The following PTPRT variants were observed in gnomAD, a reference collection of about 807,000 sequenced individuals.
PTPRT encodes the protein protein tyrosine phosphatase receptor type T.
In PTPRT, 56 loss-of-function variants were observed where a neutral mutation model predicts 176.8. That is an observed-to-expected ratio of 0.32 (90% confidence interval 0.26 to 0.40). The LOEUF is 0.40. Ranked by LOEUF, PTPRT falls within the 10% of genes least tolerant of loss-of-function variation. The probability of loss-of-function intolerance (pLI) is 1.00; values close to 1 mark genes in which losing one functional copy is unlikely to be tolerated. For synonymous variants in PTPRT, 783 were observed against 739.0 expected, an observed-to-expected ratio of 1.06 and a Z score of -0.96; for missense variants, 1,540 against 1,908.2, an observed-to-expected ratio of 0.81 and a Z score of 3.60.
At chr20:42,987,395 G>A (rs967499243) in intron 1 of PTPRT, among the ~76,000 whole-genome samples, 6 of 152,166 alleles carry the variant, frequency 3.9e-5, no homozygotes, top group African/African-American at 1.4e-4. Flanking sequence ...TATGGTGGTC[G>A]GCAGTGCAGA....
chr20:42,118,098 C>G (rs572519081), intron 21 of PTPRT, among the ~76,000 whole-genome samples: 1 of 152,196 alleles, frequency 6.6e-6, no homozygotes, highest in African/African-American at 2.4e-5. Flanking sequence ...AACAAGAGGA[C>G]AGTTGTAGAT....
intron 2 of PTPRT, among the ~76,000 whole-genome samples, chr20:42,843,388 C>G (rs553033671): frequency 1.2e-3 from 182 of 152,148 alleles, no homozygotes; most frequent in Non-Finnish European, 2.0e-3. Context: ...GCTCCCACCA[C>G]GGCCTCTGCT....
intron 7 of PTPRT, among the ~76,000 whole-genome samples, chr20:42,638,369 C>G (rs552755648): frequency 3.3e-5 from 5 of 152,214 alleles, no homozygotes; most frequent in African/African-American, 1.2e-4. Flanking sequence ...AAACATAAAA[C>G]AGGTGGACAT....
intron 7 of PTPRT, among the ~76,000 whole-genome samples, chr20:42,670,505 C>A (rs1285229903): frequency 6.6e-6 from 1 of 152,058 alleles, no homozygotes; most frequent in Non-Finnish European, 1.5e-5. Context: ...TTTTTTATCC[C>A]CCTGGAGAAA....
At chr20:42,702,010 C>A (rs1287948531) in intron 6 of PTPRT, among the ~76,000 whole-genome samples, 2 of 152,058 alleles carry the variant, frequency 1.3e-5, no homozygotes, top group Non-Finnish European at 1.5e-5. Flanking sequence ...CGAGGTTAAC[C>A]CTTACCCTAA....
At chr20:42,415,456 C>T (rs1246971586) in intron 9 of PTPRT, among the ~76,000 whole-genome samples, 2 of 152,266 alleles carry the variant, frequency 1.3e-5, no homozygotes, top group East Asian at 3.9e-4. Flanking sequence ...AAGCGACAGT[C>T]CTGCCTTGAC....
rs60077598 is a variant in PTPRT, at chr20:42,087,800, G to A, written c.3847-1947C>T. ...AGGCAGGAGAATCACTTGAACCCAG[G>A]GGGCAGAGGTTGTAGTGGGTGGAGA... On this transcript the variant is annotated intron_variant, in intron 27 of 30. Coordinates refer to ENST00000373187, the MANE Select transcript of PTPRT (RefSeq NM_007050.6). Among the ~76,000 whole-genome samples the A allele has an allele frequency of 6.4e-3, 966 of 150,130 alleles. 12 individuals carry two copies. Among genetic ancestry groups the A allele is most frequent in the African/African-American group, 0.023 (925 of 40,794 alleles).
chr20:42,788,236 C>CACAAGG (rs139410354), intron 3 of PTPRT, among the ~76,000 whole-genome samples: 29 of 150,910 alleles, frequency 1.9e-4, no homozygotes, highest in South Asian at 6.3e-4. Flanking sequence ...CCCTGACCAC[C>CACAAGG]CCAAGGCCAG....
At chr20:42,775,335 G>T (rs972216695) in intron 4 of PTPRT, among the ~76,000 whole-genome samples, 1 of 152,218 alleles carries the variant, frequency 6.6e-6, no homozygotes, top group Non-Finnish European at 1.5e-5. Context: ...AGCCCAGTAC[G>T]CACATTAGAA....
At chr20:42,148,346 AT>A (rs1988972261) in intron 17 of PTPRT, among the ~76,000 whole-genome samples, 2 of 151,062 alleles carry the variant, frequency 1.3e-5, no homozygotes, top group Admixed American at 1.3e-4. Context: ...TATTTATAGA[AT>A]CCTCAAAAGT....
At chr20:42,906,958 C>G (rs1052112224) in intron 1 of PTPRT, among the ~76,000 whole-genome samples, 1 of 151,988 alleles carries the variant, frequency 6.6e-6, no homozygotes, top group Non-Finnish European at 1.5e-5. Context: ...TCAAAATTAC[C>G]GCATCTAACA....
intron 7 of PTPRT, among the ~76,000 whole-genome samples, chr20:42,541,312 A>C (rs62205789): frequency 0.011 from 1,680 of 152,034 alleles, 32 homozygotes; most frequent in South Asian, 0.1. Context: ...TGTTGGGGGT[A>C]GATTAGCTAT....
intron 1 of PTPRT, among the ~76,000 whole-genome samples, chr20:42,889,515 T>A (rs953377021): frequency 1.3e-5 from 2 of 152,250 alleles, no homozygotes; most frequent in African/African-American, 4.8e-5. Flanking sequence ...GGATGACTTA[T>A]GCATTCAGGA....
intron 1 of PTPRT, among the ~76,000 whole-genome samples, chr20:43,078,768 T>C (rs548450866): frequency 2.0e-5 from 3 of 152,312 alleles, no homozygotes; most frequent in Non-Finnish European, 2.9e-5. Flanking sequence ...CCAGTTGCAA[T>C]ATTAATCATA....
intron 13 of PTPRT, among the ~76,000 whole-genome samples, chr20:42,255,573 G>A (rs1006986623): frequency 6.6e-6 from 1 of 152,138 alleles, no homozygotes; most frequent in East Asian, 1.9e-4. Context: ...CCTCATATAG[G>A]CAAGGCCCAT....
At chr20:42,563,081 AAAG>A (rs1374382410) in intron 7 of PTPRT, among the ~76,000 whole-genome samples, 1 of 152,188 alleles carries the variant, frequency 6.6e-6, no homozygotes, top group East Asian at 1.9e-4. Flanking sequence ...CTCTATATAA[AAAG>A]AGTATAAAGA....
the PTPRT span, among the ~76,000 whole-genome samples, chr20:42,037,551 G>C: frequency 6.6e-6 from 1 of 152,214 alleles, no homozygotes; most frequent in Non-Finnish European, 1.5e-5. Flanking sequence ...TGGCACCCGA[G>C]GGGCTAGACA....
chr20:42,837,001 C>T (rs930359852), intron 2 of PTPRT, among the ~76,000 whole-genome samples: 2 of 152,306 alleles, frequency 1.3e-5, no homozygotes, highest in South Asian at 2.1e-4. Context: ...CAGTCTGAGG[C>T]CAGACTTAAC....
intron 1 of PTPRT, among the ~76,000 whole-genome samples, chr20:42,917,125 A>C (rs1978820964): frequency 6.6e-6 from 1 of 152,120 alleles, no homozygotes; most frequent in Admixed American, 6.5e-5. Context: ...ATCCATCTTG[A>C]ATTAATTTTT....
Sources: gnomAD v4.1 joint callset for allele counts (sites outside exome capture counted in the v4.1 genomes callset) on GRCh38, gnomAD v4.1.1 for gene constraint, MANE v1.5 for transcripts, NCBI Gene and HGNC (gene_info 2026-07-23, HGNC 2026-07-21) for gene names.